WWOX: variants seen among roughly 807,000 people sequenced by gnomAD.
WWOX encodes WW domain containing oxidoreductase, also known as WW domain-containing oxidoreductase.
In WWOX, 69 loss-of-function variants were observed where a neutral mutation model predicts 46.2. That is an observed-to-expected ratio of 1.49 (90% confidence interval 1.23 to 1.82). WWOX has a LOEUF of 1.82. Ranked by LOEUF, WWOX falls within the 40% of genes most tolerant of loss-of-function variation. The pLI is 0.00. For synonymous variants in WWOX, 359 were observed against 202.6 expected, an observed-to-expected ratio of 1.77 and a Z score of -6.56; for missense variants, 919 against 542.6, an observed-to-expected ratio of 1.69 and a Z score of -6.89.
intron 8 of WWOX, among the ~76,000 whole-genome samples, chr16:78,826,575 A>T (rs1186293423): frequency 6.6e-6 from 1 of 152,178 alleles, no homozygotes; most frequent in East Asian, 1.9e-4. Flanking sequence ...TGTCTGCCTC[A>T]AATCTCCCTC....
At chr16:78,416,642 C>A (rs1018489220) in intron 6 of WWOX, among the ~76,000 whole-genome samples, 3 of 152,158 alleles carry the variant, frequency 2.0e-5, no homozygotes, top group African/African-American at 7.2e-5. Flanking sequence ...ATAAAAGTAA[C>A]TAGAAGAGAC....
chr16:79,000,631 C>T (rs2047074943), intron 8 of WWOX, among the ~76,000 whole-genome samples: 1 of 152,154 alleles, frequency 6.6e-6, no homozygotes, highest in Non-Finnish European at 1.5e-5. Flanking sequence ...CCCAGAACTT[C>T]CAGAAAGGCA....
At chr16:79,040,464 C>T (rs976169081) in intron 8 of WWOX, among the ~76,000 whole-genome samples, 1 of 151,940 alleles carries the variant, frequency 6.6e-6, no homozygotes, top group South Asian at 2.1e-4. Flanking sequence ...TTGGTAGAGA[C>T]AAGCCTTCAC....
chr16:78,189,012 G>A (rs2035797496), intron 5 of WWOX, among the ~76,000 whole-genome samples: 4 of 152,136 alleles, frequency 2.6e-5, no homozygotes, highest in Admixed American at 1.3e-4. Flanking sequence ...AAATTTGGAG[G>A]TGCAGGCAGA....
intron 8 of WWOX, among the ~76,000 whole-genome samples, chr16:78,640,066 T>C (rs2142111077): frequency 6.6e-6 from 1 of 152,212 alleles, no homozygotes; most frequent in Admixed American, 6.5e-5. Flanking sequence ...AGATTCATTT[T>C]CTTTAAATGA....
At chr16:78,117,903 C>G (rs886336249) in intron 4 of WWOX, among the ~76,000 whole-genome samples, 1 of 151,974 alleles carries the variant, frequency 6.6e-6, no homozygotes, top group Non-Finnish European at 1.5e-5. Context: ...TTCTCTAAGG[C>G]GGGGTGGGCT....
At chr16:78,920,687 A>G (rs1255859360) in intron 8 of WWOX, among the ~76,000 whole-genome samples, 1 of 152,206 alleles carries the variant, frequency 6.6e-6, no homozygotes, top group Non-Finnish European at 1.5e-5. Context: ...TTTCAGAGAA[A>G]GTAAAGAGTG....
In WWOX at chr16:78,396,352, G is replaced by A. The variant is rs997218061; in HGVS notation, c.605+9404G>A. 3.3e-5 allele frequency among the ~76,000 whole-genome samples: 5 copies of A among 152,088 alleles called. 1 individual carries two copies. Among genetic ancestry groups the A allele is most frequent in the Admixed American group, 1.3e-4 (2 of 15,278 alleles). The stretch of plus-strand genomic sequence containing the variant: ...TTTTGCCATATTAAAAGTCATCACT[G>A]CCAAGACATAAATGAAAATGTGTTC... On this transcript the variant is annotated intron_variant, in intron 6 of 8. Coordinates refer to ENST00000566780, the MANE Select transcript of WWOX (RefSeq NM_016373.4).
chr16:78,749,940 C>A (rs1429783963), intron 8 of WWOX, among the ~76,000 whole-genome samples: 1 of 152,150 alleles, frequency 6.6e-6, no homozygotes. Context: ...TTTTAAAAGT[C>A]TTGCACTGTT....
In WWOX at chr16:78,825,769, C is replaced by G. The variant is rs187736891; in HGVS notation, c.1057-385839C>G. 87 of 593,760 alleles carry G rather than the reference C, an allele frequency of 1.5e-4. No homozygotes were observed. In the African/African-American group the frequency reaches 1.5e-3, roughly 10 times the overall value. The allele number at this position is 593,760 out of a possible 1,614,324, so 36.8% of individuals were successfully genotyped here. ...TGATCCCCAGCGGAGACCATGTTAA[C>G]TAGTACATTGATGCTGTTGTGTGCC... is the stretch of plus-strand genomic sequence containing the variant. On this transcript the variant is annotated intron_variant, in intron 8 of 8. Coordinates refer to ENST00000566780, the MANE Select transcript of WWOX (RefSeq NM_016373.4).
At chr16:78,888,363 C>T (rs544692425) in intron 8 of WWOX, among the ~76,000 whole-genome samples, 1 of 152,262 alleles carries the variant, frequency 6.6e-6, no homozygotes, top group East Asian at 1.9e-4. Context: ...GGTACCTGCC[C>T]AGAGGCAGCT....
At chr16:79,135,391 G>C (rs1035695516) in intron 8 of WWOX, among the ~76,000 whole-genome samples, 5 of 151,796 alleles carry the variant, frequency 3.3e-5, no homozygotes, top group Non-Finnish European at 4.4e-5. Flanking sequence ...CTTTTAAAAG[G>C]CTGCCTGTTA....
intron 8 of WWOX, among the ~76,000 whole-genome samples, chr16:78,737,534 A>T (rs1597519376): frequency 6.6e-6 from 1 of 152,138 alleles, no homozygotes; most frequent in Middle Eastern, 3.4e-3. Context: ...TGTACCCATC[A>T]CCCGGGCAGT....
rs898703902 is a variant in WWOX at position 78,838,739 on chromosome 16, A to T, written c.1057-372869A>T. Among the ~76,000 whole-genome samples, 16 of 152,316 alleles carry T rather than the reference A, an allele frequency of 1.1e-4. No homozygotes were observed. The South Asian group carries it at 3.1e-3, about 30-fold the overall frequency. ...ACACCTGTAATCCCAGCAACTCGGG[A>T]GGCTGAGACAGGAGAATTGCTTGAA... On this transcript the variant is annotated intron_variant, in intron 8 of 8. Transcript: ENST00000566780.
At chr16:78,136,263 C>G (rs1074963) in intron 4 of WWOX, among the ~76,000 whole-genome samples, 98,990 of 152,142 alleles carry the variant, frequency 0.65, 32,626 homozygotes, top group East Asian at 0.75. Flanking sequence ...TTCATGATAT[C>G]CCTATGCTTT....
In WWOX at chr16:78,521,778, A is replaced by G. The variant is rs1001514860; in HGVS notation, c.1056+89026A>G. On this transcript the variant is annotated intron_variant, in intron 8 of 8. Transcript: ENST00000566780. The stretch of plus-strand genomic sequence containing the variant: ...GTATTTAGTCAACACTTTAACACAT[A>G]ACTTGTTTTTTTTTTTGGCATAAGA... Among the ~76,000 whole-genome samples, 5 of 136,526 alleles carry G rather than the reference A, an allele frequency of 3.7e-5. No individual in the cohort carries two copies. In the East Asian group the frequency reaches 8.8e-4, roughly 24 times the overall value. The allele number at this position is 136,526 out of a possible 152,430, so 89.6% of individuals were successfully genotyped here. A position where few individuals can be genotyped will look rare whatever the true frequency, so the allele number is the denominator to read the frequency against.
chr16:78,342,390 C>G (rs998198904), intron 5 of WWOX, among the ~76,000 whole-genome samples: 1 of 121,208 alleles, frequency 8.3e-6, no homozygotes, highest in Non-Finnish European at 2.0e-5. Flanking sequence ...TGTCTTGGAG[C>G]TACACTCTAA....
At chr16:79,138,575 C>T (rs1473657921) in intron 8 of WWOX, among the ~76,000 whole-genome samples, 1 of 152,146 alleles carries the variant, frequency 6.6e-6, no homozygotes, top group Non-Finnish European at 1.5e-5. Flanking sequence ...TGATTAGGCC[C>T]GTTATTAGGG....
At chr16:78,355,793 G>C in intron 5 of WWOX, 1 of 725,422 alleles carries the variant, frequency 1.4e-6, no homozygotes, top group South Asian at 1.3e-5. Flanking sequence ...TCTCCGGGGA[G>C]ATGGCATTTT....
Sources: gnomAD v4.1 joint callset for allele counts (sites outside exome capture counted in the v4.1 genomes callset) on GRCh38, gnomAD v4.1.1 for gene constraint, MANE v1.5 for transcripts, NCBI Gene and HGNC (gene_info 2026-07-23, HGNC 2026-07-21) for gene names.